HYAL4: variants seen among roughly 807,000 people sequenced by gnomAD.
HYAL4 encodes hyaluronidase 4, also known as hyaluronidase-4.
A neutral mutation model predicts 35.2 loss-of-function variants in HYAL4; 37 were observed. The observed-to-expected ratio is 1.05, with a 90% CI of 0.81 to 1.38. The LOEUF is 1.38. HYAL4 is among the 40% of genes most tolerant of loss of function. The pLI is 0.00. For synonymous variants in HYAL4, 198 were observed against 203.2 expected (o/e 0.97, Z 0.22); for missense variants, 572 against 572.4 (o/e 1.00, Z 0.01).
intron 2 of HYAL4, among the ~76,000 whole-genome samples, chr7:123,850,203 G>C (rs1806272049): frequency 6.6e-6 from 1 of 152,174 alleles, no homozygotes; most frequent in Admixed American, 6.5e-5. Flanking sequence ...TCAGTTTGAG[G>C]ATGGAAAGAA....
chr7:123,821,869 A>G, the HYAL4 span, among the ~76,000 whole-genome samples: 1 of 152,138 alleles, frequency 6.6e-6, no homozygotes, highest in African/African-American at 2.4e-5. Context: ...GCCTACAGAT[A>G]TCTAGTTTTC....
In HYAL4 at chr7:123,854,990, T is replaced by C. The variant is rs563317155; in HGVS notation, c.-52+6832T>C. ...CCATTATGTAATGGCCTTCCTTGTC[T>C]CTTTTGATCTTTGTTGGTTTAAAGT... On this transcript the variant is annotated intron_variant, in intron 2 of 4. Coordinates refer to ENST00000223026, the MANE Select transcript of HYAL4 (RefSeq NM_012269.3). Among the ~76,000 whole-genome samples the C allele has an allele frequency of 7.2e-5, 11 of 152,332 alleles. No individual in the cohort carries two copies. The East Asian group carries it at 2.1e-3, about 29-fold the overall frequency.
the HYAL4 span, among the ~76,000 whole-genome samples, chr7:123,797,602 T>C: frequency 1.3e-5 from 2 of 152,230 alleles, no homozygotes; most frequent in Admixed American, 1.3e-4. Flanking sequence ...AAAGGGCCCC[T>C]GTTGGCCTCT....
chr7:123,817,526 T>TC, the HYAL4 span, among the ~76,000 whole-genome samples: 1 of 150,340 alleles, frequency 6.7e-6, no homozygotes, highest in Non-Finnish European at 1.5e-5. Context: ...TTTTTTTTTT[T>TC]TTGAGATGGA....
chr7:123,830,745 A>G (rs1805867608), intron 1 of HYAL4, among the ~76,000 whole-genome samples: 1 of 152,172 alleles, frequency 6.6e-6, no homozygotes, highest in African/African-American at 2.4e-5. Context: ...CATTCTTTAC[A>G]AAGTCTTTTG....
upstream of HYAL4, among the ~76,000 whole-genome samples, chr7:123,825,720 G>GTCAA (rs200386847): frequency 0.012 from 1,871 of 152,210 alleles, 34 homozygotes; most frequent in African/African-American, 0.043. Flanking sequence ...GAACCACTTA[G>GTCAA]TCAATCAATC....
intron 1 of HYAL4, among the ~76,000 whole-genome samples, chr7:123,829,595 A>C (rs1805850222): frequency 6.6e-6 from 1 of 152,202 alleles, no homozygotes; most frequent in Non-Finnish European, 1.5e-5. Context: ...CAGGGAGCTT[A>C]AATACTTGTG....
upstream of HYAL4, among the ~76,000 whole-genome samples, chr7:123,841,613 G>T (rs947103909): frequency 2.6e-5 from 4 of 151,906 alleles, no homozygotes; most frequent in African/African-American, 9.7e-5. Context: ...CTGTGAATCT[G>T]TCTGGTCCTG....
At chr7:123,808,454 T>A in the HYAL4 span, among the ~76,000 whole-genome samples, 1 of 151,490 alleles carries the variant, frequency 6.6e-6, no homozygotes, top group African/African-American at 2.4e-5. Context: ...TGTGTGTGTG[T>A]GTGTGTGTGT....
the HYAL4 span, among the ~76,000 whole-genome samples, chr7:123,766,311 A>C: frequency 6.6e-6 from 1 of 152,174 alleles, no homozygotes; most frequent in African/African-American, 2.4e-5. Context: ...AAGCATATGA[A>C]TCCATTAGCA....
At chr7:123,853,703 C>T (rs1304056763) in intron 2 of HYAL4, among the ~76,000 whole-genome samples, 1 of 152,078 alleles carries the variant, frequency 6.6e-6, no homozygotes, top group Non-Finnish European at 1.5e-5. Flanking sequence ...GTTGTTGTGT[C>T]TCTGGCAGGT....
At chr7:123,771,192 C>G in the HYAL4 span, among the ~76,000 whole-genome samples, 1 of 152,134 alleles carries the variant, frequency 6.6e-6, no homozygotes, top group Non-Finnish European at 1.5e-5. Flanking sequence ...GATAGTTGAG[C>G]TTCAACTGAC....
the HYAL4 span, chr7:123,790,678 C>G: frequency 1.3e-5 from 2 of 149,464 alleles, no homozygotes; most frequent in African/African-American, 5.0e-5. Flanking sequence ...CTGTATCGTT[C>G]CAATTTTAGT....
intron 1 of HYAL4, among the ~76,000 whole-genome samples, chr7:123,837,603 G>A (rs1033941115): frequency 3.3e-5 from 5 of 151,666 alleles, no homozygotes; most frequent in Non-Finnish European, 7.4e-5. Context: ...GTATACATGC[G>A]CCATGTTGGT....
At chr7:123,813,942 A>G in the HYAL4 span, among the ~76,000 whole-genome samples, 1 of 152,204 alleles carries the variant, frequency 6.6e-6, no homozygotes, top group Non-Finnish European at 1.5e-5. Flanking sequence ...GAAACTTTTT[A>G]TAGTTTTTAT....
the HYAL4 span, among the ~76,000 whole-genome samples, chr7:123,773,063 A>G: frequency 6.6e-6 from 1 of 152,196 alleles, no homozygotes; most frequent in Non-Finnish European, 1.5e-5. Flanking sequence ...GTATTCCATA[A>G]GAATATTTTT....
At chr7:123,801,813 GT>G in the HYAL4 span, among the ~76,000 whole-genome samples, 1 of 152,160 alleles carries the variant, frequency 6.6e-6, no homozygotes. Context: ...AATTGGGACA[GT>G]TTGGGGTATT....
intron 2 of HYAL4, among the ~76,000 whole-genome samples, chr7:123,849,708 T>C (rs1304817052): frequency 6.6e-6 from 1 of 152,098 alleles, no homozygotes; most frequent in Non-Finnish European, 1.5e-5. Flanking sequence ...ATCTTCATAA[T>C]ACTTGGTTCT....
chr7:123,869,361 T>C, intron 3 of HYAL4, 134 bp downstream of exon 3: 1 of 646,962 alleles, frequency 1.5e-6, no homozygotes, highest in Non-Finnish European at 2.6e-6. Context: ...CTTCCTTGAC[T>C]AGTCATGCAT....
Sources: allele counts gnomAD v4.1 joint callset (sites outside exome capture counted in the v4.1 genomes callset), GRCh38; gene constraint gnomAD v4.1.1; transcripts MANE v1.5; gene names NCBI Gene and HGNC (gene_info 2026-07-23, HGNC 2026-07-21).